The following CLMP variants were observed in gnomAD, a reference collection of about 807,000 sequenced individuals.
CLMP encodes the protein CXADR-like membrane protein.
In CLMP, 27 loss-of-function variants were observed where a neutral mutation model predicts 45.2. The ratio of observed to expected loss-of-function variants is 0.60; its 90% CI spans 0.44 to 0.82. The LOEUF (loss-of-function observed/expected upper bound fraction) is 0.82, where lower values mean the gene tolerates loss of function less well. CLMP is among the 40% of genes least tolerant of loss of function. CLMP has a pLI of 0.00. For synonymous variants in CLMP, 167 were observed against 171.4 expected (o/e 0.97, Z 0.20); for missense variants, 403 against 448.4 (o/e 0.90, Z 0.91).
intron 5 of CLMP, among the ~76,000 whole-genome samples, chr11:123,076,001 C>T (rs1290973375): frequency 6.6e-6 from 1 of 151,996 alleles, no homozygotes; most frequent in Non-Finnish European, 1.5e-5. Context: ...GGCAAAACCC[C>T]GTCTCTACTA....
At chr11:123,186,784 A>G (rs1861841084) in intron 1 of CLMP, among the ~76,000 whole-genome samples, 1 of 152,096 alleles carries the variant, frequency 6.6e-6, no homozygotes, top group African/African-American at 2.4e-5. Context: ...CGGCCTCCCA[A>G]AGTGCTAGGA....
chr11:123,135,091 C>T (rs113801762), intron 1 of CLMP, among the ~76,000 whole-genome samples: 3 of 151,940 alleles, frequency 2.0e-5, no homozygotes, highest in Non-Finnish European at 2.9e-5. Context: ...GAAACCCCGT[C>T]TCTACTAAAA....
At chr11:123,116,933 T>C (rs972782138) in intron 1 of CLMP, among the ~76,000 whole-genome samples, 2 of 152,140 alleles carry the variant, frequency 1.3e-5, no homozygotes, top group East Asian at 3.9e-4. Flanking sequence ...AACAACGTTA[T>C]AGTTTATATT....
At chr11:123,087,533 A>T (rs1043995930) in intron 2 of CLMP, among the ~76,000 whole-genome samples, 5 of 151,482 alleles carry the variant, frequency 3.3e-5, no homozygotes. Flanking sequence ...AAATAAATAA[A>T]TATTTGCGGC....
intron 1 of CLMP, among the ~76,000 whole-genome samples, chr11:123,153,264 G>A (rs1423881398): frequency 6.6e-6 from 1 of 152,156 alleles, no homozygotes; most frequent in Non-Finnish European, 1.5e-5. Flanking sequence ...CAGCGTTTGA[G>A]CAAATACAAG....
chr11:123,162,188 A>T (rs1861496163), intron 1 of CLMP, among the ~76,000 whole-genome samples: 1 of 152,192 alleles, frequency 6.6e-6, no homozygotes, highest in Non-Finnish European at 1.5e-5. Context: ...GATTCTAAAG[A>T]GCTACAGGAA....
intron 1 of CLMP, among the ~76,000 whole-genome samples, chr11:123,129,665 TTA>T (rs1221571435): frequency 7.1e-6 from 1 of 140,980 alleles, no homozygotes; most frequent in East Asian, 2.0e-4. Flanking sequence ...TATATAAATT[TTA>T]TATATATAAA....
chr11:123,121,178 T>A (rs1394606570), intron 1 of CLMP, among the ~76,000 whole-genome samples: 1 of 151,562 alleles, frequency 6.6e-6, no homozygotes, highest in Non-Finnish European at 1.5e-5. Flanking sequence ...TGAGCAGGAC[T>A]TGTACAGTGG....
At chr11:123,173,793 A>T (rs1861665645) in intron 1 of CLMP, among the ~76,000 whole-genome samples, 1 of 152,288 alleles carries the variant, frequency 6.6e-6, no homozygotes, top group Non-Finnish European at 1.5e-5. Context: ...AAAAAATTCC[A>T]GGCCTGGGCT....
At chr11:123,120,209 C>A (rs1160344738) in intron 1 of CLMP, among the ~76,000 whole-genome samples, 2 of 152,000 alleles carry the variant, frequency 1.3e-5, no homozygotes, top group Non-Finnish European at 2.9e-5. Context: ...TTGCTTGAGC[C>A]CAGGAGATTG....
intron 5 of CLMP, among the ~76,000 whole-genome samples, chr11:123,078,826 A>C (rs1019953128): frequency 6.6e-6 from 1 of 151,924 alleles, no homozygotes; most frequent in African/African-American, 2.4e-5. Context: ...TTGTATTTTT[A>C]GTAGAGATGG....
At chr11:123,109,783 C>T (rs1446555766) in intron 1 of CLMP, among the ~76,000 whole-genome samples, 3 of 152,148 alleles carry the variant, frequency 2.0e-5, no homozygotes, top group Admixed American at 2.0e-4. Flanking sequence ...TATAGAGGTT[C>T]GATGTTCCAA....
intron 5 of CLMP, among the ~76,000 whole-genome samples, chr11:123,076,417 CAG>C (rs1865740979): frequency 6.6e-6 from 1 of 152,026 alleles, no homozygotes; most frequent in Admixed American, 6.6e-5. Flanking sequence ...AGAAGGGAAA[CAG>C]ATAATAAACA....
At chr11:123,146,834 T>C (rs543771380) in intron 1 of CLMP, among the ~76,000 whole-genome samples, 1 of 152,174 alleles carries the variant, frequency 6.6e-6, no homozygotes, top group Non-Finnish European at 1.5e-5. Flanking sequence ...TGGCTTCCCT[T>C]GGAGGTCTCA....
chr11:123,141,121 C>A (rs974369987), intron 1 of CLMP, among the ~76,000 whole-genome samples: 1 of 150,910 alleles, frequency 6.6e-6, no homozygotes, highest in Admixed American at 6.6e-5. Context: ...GCCGGCAGAG[C>A]CATGAACCAA....
At chr11:123,122,425 C>T (rs192892227) in intron 1 of CLMP, among the ~76,000 whole-genome samples, 103 of 152,232 alleles carry the variant, frequency 6.8e-4, no homozygotes, top group African/African-American at 2.3e-3. Flanking sequence ...CTGTCGACTG[C>T]GATACTGACT....
chr11:123,101,623 G>A (rs1409998449), intron 1 of CLMP, among the ~76,000 whole-genome samples: 9 of 152,182 alleles, frequency 5.9e-5, no homozygotes, highest in Non-Finnish European at 1.3e-4. Flanking sequence ...AACGGCCTTG[G>A]CAAGTGTTAT....
At chr11:123,183,535 G>A (rs1157393622) in intron 1 of CLMP, among the ~76,000 whole-genome samples, 2 of 152,008 alleles carry the variant, frequency 1.3e-5, no homozygotes, top group Non-Finnish European at 2.9e-5. Context: ...CTGGCCTGAG[G>A]GTCACTCTTT....
chr11:123,163,953 A>G (rs1344040498), intron 1 of CLMP, among the ~76,000 whole-genome samples: 1 of 152,202 alleles, frequency 6.6e-6, no homozygotes, highest in Non-Finnish European at 1.5e-5. Flanking sequence ...GTAAAATGCA[A>G]CAATGACAAT....
Sources: allele counts gnomAD v4.1 joint callset (sites outside exome capture counted in the v4.1 genomes callset), GRCh38; gene constraint gnomAD v4.1.1; transcripts MANE v1.5; gene names NCBI Gene and HGNC (gene_info 2026-07-23, HGNC 2026-07-21).